CACNA1A: variants seen among roughly 807,000 people sequenced by gnomAD.
CACNA1A encodes the protein voltage-dependent P/Q-type calcium channel subunit alpha-1A.
Under a neutral mutation model 262.4 loss-of-function variants are expected in CACNA1A, and 57 were observed. The ratio of observed to expected loss-of-function variants is 0.22; its 90% confidence interval spans 0.18 to 0.27. CACNA1A has a LOEUF of 0.27. Ranked by LOEUF, CACNA1A falls within the 10% of genes least tolerant of loss-of-function variation. The probability of loss-of-function intolerance (pLI) is 1.00; values close to 1 mark genes in which losing one functional copy is unlikely to be tolerated. For synonymous variants in CACNA1A, 1,431 were observed against 1,419.3 expected, an observed-to-expected ratio of 1.01 and a Z score of -0.18; for missense variants, 2,526 against 3,562.8, an observed-to-expected ratio of 0.71 and a Z score of 7.41.
At chr19:13,399,393 TGAGAAG>T (rs1358606698) in intron 3 of CACNA1A, among the ~76,000 whole-genome samples, 2 of 86,516 alleles carry the variant, frequency 2.3e-5, no homozygotes, top group Non-Finnish European at 4.2e-5. Flanking sequence ...GATCCAAAAA[TGAGAAG>T]AAGAAGAAGA....
Position 13,298,744 on chromosome 19 carries a change from C to T in CACNA1A, c.2889G>A (p.Arg963=), listed in dbSNP as rs1390620211. ...GEHRRHRAHR[R]PGEEGPEDKA... is the part of the protein sequence containing the mutation. Reference sequence around the variant, plus strand: ...TGTCCTCCGGACCCTCCTCCCCGGGCCTGCGGTGCGCGCGATGACGTCGAT... The same window carrying T: ...TGTCCTCCGGACCCTCCTCCCCGGGTCTGCGGTGCGCGCGATGACGTCGAT... The change falls in exon 19 of 47, where the codon AGG becomes AGA. Residue 963 remains arginine (R), a synonymous_variant. Coordinates refer to ENST00000360228, the MANE Select transcript of CACNA1A (RefSeq NM_001127222.2). 5.3e-6 allele frequency: 8 copies of T among 1,508,916 alleles called. No individual in the cohort carries two copies. Among genetic ancestry groups the T allele is most frequent in the African/African-American group, 2.9e-5 (2 of 68,978 alleles). 93.5% of individuals were successfully genotyped at this position (1,508,916 alleles called of 1,614,324 possible).
intron 4 of CACNA1A, chr19:13,366,246 G>A (rs2059209750): frequency 3.9e-5 from 6 of 152,100 alleles, no homozygotes. Flanking sequence ...ACAGACGTGA[G>A]TCTCCACGCC....
chr19:13,361,814 G>A (rs1322872216), intron 5 of CACNA1A, among the ~76,000 whole-genome samples: 2 of 152,170 alleles, frequency 1.3e-5, no homozygotes, highest in East Asian at 3.8e-4. Context: ...ATAAGGCTCA[G>A]GGCAGAGAAC....
chr19:13,317,587 A>C (rs1482901016), intron 10 of CACNA1A, among the ~76,000 whole-genome samples: 1 of 152,142 alleles, frequency 6.6e-6, no homozygotes, highest in East Asian at 1.9e-4. Context: ...CCAATTTTCC[A>C]TGTCTCCCAC....
intron 31 of CACNA1A, 37 bp downstream of exon 31, chr19:13,245,145 C>T (rs2056192895): frequency 1.9e-6 from 3 of 1,551,988 alleles, no homozygotes; most frequent in Non-Finnish European, 2.7e-6. Context: ...CTCGTCCAGC[C>T]CAGAGTCACC....
At chr19:13,284,941 A>G (rs1156906268) in intron 21 of CACNA1A, 127 bp downstream of exon 21, 4 of 832,860 alleles carry the variant, frequency 4.8e-6, no homozygotes, top group Non-Finnish European at 7.6e-6. Flanking sequence ...TCCATTTTCA[A>G]CTTGTTCAAA....
chr19:13,220,614 A>T (rs1318293888), intron 38 of CACNA1A, among the ~76,000 whole-genome samples: 2 of 152,132 alleles, frequency 1.3e-5, no homozygotes, highest in Non-Finnish European at 2.9e-5. Flanking sequence ...AGCCCAGTCC[A>T]GCTTTTTGGA....
At chr19:13,234,730 G>A (rs1388837102) in intron 34 of CACNA1A, 191 bp downstream of exon 34, 8 of 557,514 alleles carry the variant, frequency 1.4e-5, no homozygotes, top group East Asian at 3.1e-5. Flanking sequence ...AGGCCGGCAC[G>A]TCCCCTACCG....
At position 13,207,668 on chromosome 19, in the gene CACNA1A, C is replaced by T. The variant is rs1187466461; in HGVS notation, c.7166G>A (p.Arg2389Gln). ...SPRACRHGGA[R>Q]WPASGPHVSE... ...CACGTGCGGGCCAGATGCCGGCCAC[C>T]GGGCCCCGCCGTGTCGACAGGCCCT... The change falls in exon 47 of 47, where the codon CGG (arginine) becomes CAG (glutamine). Residue 2389 changes from arginine to glutamine, a missense_variant. Around this residue, in one of 17 missense-constraint regions of CACNA1A, gnomAD observed 929 missense variants for 868.1 expected, o/e 1.07. Transcript: ENST00000360228. The surrounding 1 kb of genome is among the most constrained non-coding windows in gnomAD (Gnocchi z 5.7). 1.4e-5 allele frequency: 20 copies of T among 1,428,614 alleles called. No individual in the cohort carries two copies. The highest frequency in any genetic ancestry group is 2.8e-5 in the South Asian group (2 of 72,520). The allele number at this position is 1,428,614 out of a possible 1,614,324, so 88.5% of individuals were successfully genotyped here. A position where few individuals can be genotyped will look rare whatever the true frequency, so the allele number is the denominator to read the frequency against.
intron 15 of CACNA1A, 146 bp from the exon 16 acceptor site, chr19:13,304,030 CCGTGTTGG>C (rs2057846105): frequency 1.6e-6 from 1 of 632,448 alleles, no homozygotes; most frequent in African/African-American, 1.8e-5. Context: ...GAGCCAGACT[CCGTGTTGG>C]CTTCTCCTTG....
intron 1 of CACNA1A, among the ~76,000 whole-genome samples, chr19:13,466,383 G>A (rs1421858695): frequency 6.6e-6 from 1 of 150,694 alleles, no homozygotes; most frequent in Non-Finnish European, 1.5e-5. Context: ...CCAGGCTGGA[G>A]TGCATGGAGT....
intron 10 of CACNA1A, among the ~76,000 whole-genome samples, chr19:13,322,805 A>G (rs2058281746): frequency 6.6e-6 from 1 of 152,138 alleles, no homozygotes; most frequent in Non-Finnish European, 1.5e-5. Flanking sequence ...CATGTTGGTC[A>G]GCCTGCTTCT....
chr19:13,328,530 T>A (rs570060481), intron 10 of CACNA1A, among the ~76,000 whole-genome samples: 24 of 152,236 alleles, frequency 1.6e-4, no homozygotes, highest in Admixed American at 8.5e-4. Context: ...TATAAATGGG[T>A]TCCATGTTTT....
chr19:13,207,291 GCGGGC>G lies in CACNA1A; in HGVS notation c.*17_*21del. ...GTGCGTGGGGTGCGTGGGGGGCCGG[GCGGGC>G]GCCACCTCGCCCGGGCTTAGCACCA... On this transcript the variant is annotated 3_prime_UTR_variant, in exon 47 of 47. Transcript: ENST00000360228. This position sits in a 1 kb window ranked among gnomAD's most constrained non-coding sequence, Gnocchi z 5.7. 1 of 1,535,730 alleles carries G rather than the reference GCGGGC, an allele frequency of 6.5e-7. No homozygotes were observed. The highest frequency in any genetic ancestry group is 1.2e-5 in the South Asian group (1 of 85,248).
intron 31 of CACNA1A, among the ~76,000 whole-genome samples, chr19:13,243,080 C>A (rs761633786): frequency 6.6e-5 from 10 of 152,234 alleles, no homozygotes; most frequent in Non-Finnish European, 1.2e-4. Flanking sequence ...AACCTCTTGA[C>A]CCAAAGGGAC....
chr19:13,229,966 C>A lies in CACNA1A; in HGVS notation c.5528+116G>T, dbSNP rs1326194473. 282 of 1,176,146 alleles carry A rather than the reference C, an allele frequency of 2.4e-4. 1 individual carries two copies. The highest frequency in any genetic ancestry group is 2.7e-5 in the Non-Finnish European group (23 of 838,688). The allele number at this position is 1,176,146 out of a possible 1,614,324, so 72.9% of individuals were successfully genotyped here. A position where few individuals can be genotyped will look rare whatever the true frequency, so the allele number is the denominator to read the frequency against. On this transcript the variant is annotated intron_variant, in intron 36 of 46. Transcript: ENST00000360228. Reference sequence around the variant, plus strand: ...TTCTCTCCTGACTGAACCTGTGAGACCCCTGCTAGGACCCCAGGAGTTCAG... The same window carrying A: ...TTCTCTCCTGACTGAACCTGTGAGAACCCTGCTAGGACCCCAGGAGTTCAG...
In CACNA1A at chr19:13,379,170, G is replaced by C. The variant is rs1453100297; in HGVS notation, c.540-7391C>G. 2.0e-5 allele frequency among the ~76,000 whole-genome samples: 3 copies of C among 151,856 alleles called. No individual in the cohort carries two copies. In the East Asian group the frequency reaches 5.8e-4, roughly 29 times the overall value. On this transcript the variant is annotated intron_variant, in intron 3 of 46. Coordinates refer to ENST00000360228, the MANE Select transcript of CACNA1A (RefSeq NM_001127222.2). ...TATTTTTAAAAAGAATTTTTTTGTA[G>C]AAACGGGGTCTCACTTTGTTGCCTG...
rs199854716 is a variant in CACNA1A at position 13,255,206 on chromosome 19, C to T, written c.4644G>A (p.Pro1548=). 1.5e-4 allele frequency: 236 copies of T among 1,611,802 alleles called. No individual in the cohort carries two copies. The African/African-American group carries it at 1.7e-3, about 12-fold the overall frequency. Residue 1548 remains proline (P), a synonymous_variant, in exon 29 of 47, where the codon CCG becomes CCA. Transcript: ENST00000360228. ...ISAKPLTRHM[P]QNKQSFQYRM... is the part of the protein sequence containing the mutation. ...GGTACTGGAAGCTCTGCTTGTTCTG[C>T]GGCATGTGTCGGGTCAGCGGCTTGG...
chr19:13,270,934 A>C (rs775917539), intron 24 of CACNA1A, among the ~76,000 whole-genome samples: 13 of 152,192 alleles, frequency 8.5e-5, no homozygotes, highest in Non-Finnish European at 1.2e-4. Context: ...CATGATCTAC[A>C]AGCCTGCCAG....
Sources: gnomAD v4.1 joint callset for allele counts (sites outside exome capture counted in the v4.1 genomes callset) on GRCh38, gnomAD v4.1.1 for gene constraint, gnomAD v4.1.1 regional missense constraint, Gnocchi (gnomAD v3.1) non-coding constraint, MANE v1.5 for transcripts, NCBI Gene and HGNC (gene_info 2026-07-23, HGNC 2026-07-21) for gene names.